HIBCH: variants seen among roughly 807,000 people sequenced by gnomAD.
HIBCH encodes the protein 3-hydroxyisobutyryl-CoA hydrolase, mitochondrial.
In HIBCH, 50 loss-of-function variants were observed where a neutral mutation model predicts 58.2. The observed-to-expected ratio is 0.86, with a 90% CI of 0.68 to 1.09. HIBCH has a LOEUF of 1.09. HIBCH is among the 50% of genes least tolerant of loss of function. The pLI is 0.00. For synonymous variants in HIBCH, 151 were observed against 146.9 expected, an observed-to-expected ratio of 1.03 and a Z score of -0.20; for missense variants, 450 against 449.7, an observed-to-expected ratio of 1.00 and a Z score of -0.01.
At chr2:190,196,831 T>C (rs1477250674) in intron 1 of HIBCH, among the ~76,000 whole-genome samples, 1 of 152,196 alleles carries the variant, frequency 6.6e-6, no homozygotes, top group African/African-American at 2.4e-5. Context: ...GCTGAGTAGT[T>C]GTAACATAGA....
intron 11 of HIBCH, among the ~76,000 whole-genome samples, chr2:190,239,449 G>C (rs926102147): frequency 6.6e-6 from 1 of 152,094 alleles, no homozygotes; most frequent in Non-Finnish European, 1.5e-5. Flanking sequence ...GAGTACACGG[G>C]CTCTATTTTG....
At position 190,306,778 on chromosome 2, in the gene HIBCH, T is replaced by C. The variant is rs112068490; in HGVS notation, c.78+3976A>G. Among the ~76,000 whole-genome samples the C allele has an allele frequency of 5.7e-3, 871 of 152,298 alleles. 5 individuals carry two copies. The highest frequency in any genetic ancestry group is 0.02 in the African/African-American group (827 of 41,552). On this transcript the variant is annotated intron_variant, in intron 2 of 13. Transcript: ENST00000359678. This position sits in a 1 kb window ranked among gnomAD's most constrained non-coding sequence, Gnocchi z 4.6. ...TATGTTGAAATCCTAACCTCCAAGG[T>C]GATGGCATAAGAGTGGGACCTTTGA...
chr2:190,211,109 T>C lies in HIBCH; in HGVS notation c.1011+1847A>G, dbSNP rs1389260848. Among the ~76,000 whole-genome samples, 1 of 152,204 alleles carries C rather than the reference T, an allele frequency of 6.6e-6. No homozygotes were observed. The highest frequency in any genetic ancestry group is 3.2e-3 in the Middle Eastern group (1 of 316). ...TTTCTGCCTTTTCAACCTCAACCCC[T>C]GGAGCACACCTATGTACCTGGAACC... On this transcript the variant is annotated intron_variant, in intron 12 of 13. Transcript: ENST00000359678. The surrounding 1 kb of genome is among the most constrained non-coding windows in gnomAD (Gnocchi z 5.0).
chr2:190,225,612 A>G (rs1015067204), intron 11 of HIBCH, among the ~76,000 whole-genome samples: 8 of 152,212 alleles, frequency 5.3e-5, no homozygotes, highest in African/African-American at 1.9e-4. Context: ...AGGCTCTGAA[A>G]TTGAGGCAAT....
At chr2:190,285,232 G>A (rs1687801705) in intron 6 of HIBCH, among the ~76,000 whole-genome samples, 1 of 152,108 alleles carries the variant, frequency 6.6e-6, no homozygotes, top group African/African-American at 2.4e-5. Context: ...ATCTGAGTTT[G>A]CTCTATCCTT....
At chr2:190,308,510 G>A (rs1449995375) in intron 2 of HIBCH, among the ~76,000 whole-genome samples, 1 of 152,084 alleles carries the variant, frequency 6.6e-6, no homozygotes, top group African/African-American at 2.4e-5. Flanking sequence ...ATGAACCAAT[G>A]GGTTATTATG....
chr2:190,312,374 T>G, intron 1 of HIBCH, among the ~76,000 whole-genome samples: 1 of 152,204 alleles, frequency 6.6e-6, no homozygotes, highest in Non-Finnish European at 1.5e-5. Flanking sequence ...GAAGCTAAAT[T>G]TAAGATCTAT....
intron 7 of HIBCH, among the ~76,000 whole-genome samples, chr2:190,258,553 C>T (rs1226846405): frequency 6.6e-6 from 1 of 152,224 alleles, no homozygotes; most frequent in African/African-American, 2.4e-5. Flanking sequence ...TTTGTCTATG[C>T]ACAGACCTTG....
chr2:190,303,055 A>G (rs1688309955), intron 2 of HIBCH, among the ~76,000 whole-genome samples: 1 of 152,192 alleles, frequency 6.6e-6, no homozygotes, highest in South Asian at 2.1e-4. Flanking sequence ...TTACAGATAG[A>G]ACAAGAAGGG....
downstream of HIBCH, chr2:190,202,070 G>A (rs1690261150): frequency 6.0e-6 from 1 of 167,004 alleles, no homozygotes; most frequent in Admixed American, 6.6e-5. Flanking sequence ...GGACAGACAA[G>A]TGAGTTTTGG....
chr2:190,242,142 G>A (rs532559522), intron 11 of HIBCH, among the ~76,000 whole-genome samples: 2 of 151,822 alleles, frequency 1.3e-5, no homozygotes, highest in Admixed American at 1.3e-4. Flanking sequence ...TACATTTCTT[G>A]GAGGCTTTGT....
chr2:190,241,656 T>C (rs1395278333), intron 11 of HIBCH, among the ~76,000 whole-genome samples: 2 of 152,218 alleles, frequency 1.3e-5, no homozygotes, highest in Non-Finnish European at 2.9e-5. Flanking sequence ...AATACAGGCC[T>C]GGTAGTGACA....
At chr2:190,311,064 C>A in intron 1 of HIBCH, 1 of 614,382 alleles carries the variant, frequency 1.6e-6, no homozygotes, top group Non-Finnish European at 3.0e-6. Context: ...AAACCAATTT[C>A]AATACAACCA....
chr2:190,308,068 G>T (rs979433995), intron 2 of HIBCH, among the ~76,000 whole-genome samples: 4 of 152,100 alleles, frequency 2.6e-5, no homozygotes, highest in African/African-American at 9.7e-5. Context: ...CAGAAGAATT[G>T]CTTGGGATAC....
At chr2:190,266,946 G>A (rs1687259635) in intron 6 of HIBCH, among the ~76,000 whole-genome samples, 6 of 151,084 alleles carry the variant, frequency 4.0e-5, no homozygotes, top group African/African-American at 1.5e-4. Flanking sequence ...TAGTAGAGAT[G>A]GGGTTTCACC....
chr2:190,261,350 G>T, intron 6 of HIBCH, 116 bp from the exon 7 acceptor site: 1 of 745,756 alleles, frequency 1.3e-6, no homozygotes, highest in Admixed American at 2.2e-5. Flanking sequence ...ATACTCCACA[G>T]GAACTTGCTT....
At chr2:190,220,477 G>C (rs547970357) in intron 11 of HIBCH, 1 of 152,030 alleles carries the variant, frequency 6.6e-6, no homozygotes, top group Admixed American at 6.6e-5. Context: ...CTACAGTCAC[G>C]GTGCTGCTGA....
At chr2:190,193,425 C>T (rs1256412492) in intron 1 of HIBCH, among the ~76,000 whole-genome samples, 3 of 152,002 alleles carry the variant, frequency 2.0e-5, no homozygotes, top group Admixed American at 6.6e-5. Flanking sequence ...TAGAATAATT[C>T]GGGAAATCTT....
At chr2:190,257,261 T>C (rs1406368333) in intron 7 of HIBCH, among the ~76,000 whole-genome samples, 2 of 152,156 alleles carry the variant, frequency 1.3e-5, no homozygotes, top group Non-Finnish European at 2.9e-5. Context: ...GAGATGACAG[T>C]GTAGTAACAT....
Sources: gnomAD v4.1 joint callset for allele counts (sites outside exome capture counted in the v4.1 genomes callset) on GRCh38, gnomAD v4.1.1 for gene constraint, Gnocchi (gnomAD v3.1) non-coding constraint, MANE v1.5 for transcripts, NCBI Gene and HGNC (gene_info 2026-07-23, HGNC 2026-07-21) for gene names.